The following SI variants were observed in gnomAD, a reference collection of about 807,000 sequenced individuals.
SI encodes the protein sucrase-isomaltase.
Under a neutral mutation model 253.3 loss-of-function variants are expected in SI, and 235 were observed. The observed-to-expected ratio is 0.93, with a 90% CI of 0.83 to 1.03. The LOEUF (loss-of-function observed/expected upper bound fraction) is 1.03, where lower values mean the gene tolerates loss of function less well. Among genes scored for constraint, SI ranks in the 50% least tolerant of loss-of-function variants. SI has a pLI of 0.00. For synonymous variants in SI, 819 were observed against 712.0 expected (o/e 1.15, Z -2.39); for missense variants, 2,442 against 2,211.1 (o/e 1.10, Z -2.09).
In SI at chr3:165,030,877, C is replaced by CAAAAAAAAAAAAAAAAAAAAAAAAAAA. The variant is rs11452619; in HGVS notation, c.2737-11_2737-10insTTTTTTTTTTTTTTTTTTTTTTTTTTT. 1.6e-6 allele frequency: 2 copies of CAAAAAAAAAAAAAAAAAAAAAAAAAAA among 1,219,774 alleles called. No individual in the cohort carries two copies. The highest frequency in any genetic ancestry group is 2.1e-6 in the Non-Finnish European group (2 of 955,480). The allele number at this position is 1,219,774 out of a possible 1,614,324, so 75.6% of individuals were successfully genotyped here. On this transcript the variant is annotated splice_polypyrimidine_tract_variant and intron_variant, in intron 24 of 47. Coordinates refer to ENST00000264382, the MANE Select transcript of SI (RefSeq NM_001041.4). The stretch of plus-strand genomic sequence containing the variant: ...CTGCAATTAGGAGAACCTTTGAAGA[C>CAAAAAAAAAAAAAAAAAAAAAAAAAAA]AAAAAAAAAAAAAGAAAAAAAGAAA...
chr3:164,979,076 T>C lies in SI; in HGVS notation c.*286A>G, dbSNP rs1376754835. On this transcript the variant is annotated 3_prime_UTR_variant, in exon 48 of 48. Coordinates refer to ENST00000264382, the MANE Select transcript of SI (RefSeq NM_001041.4). ...AATCACGTTTAAATTATATCTTAGC[T>C]ATTTACATACATGTTTAGTAACTAG... is the stretch of plus-strand genomic sequence containing the variant. The C allele has an allele frequency of 3.9e-6, 1 of 254,116 alleles. No individual in the cohort carries two copies. The highest frequency in any genetic ancestry group is 2.2e-5 in the African/African-American group (1 of 45,284). 15.7% of individuals were successfully genotyped at this position (254,116 alleles called of 1,614,324 possible).
intron 35 of SI, 30 bp downstream of exon 35, chr3:165,009,249 T>G (rs946796111): frequency 1.4e-6 from 2 of 1,425,864 alleles, no homozygotes; most frequent in South Asian, 1.1e-5. Flanking sequence ...ATAAATAACT[T>G]AAAACATAGA....
intron 25 of SI, among the ~76,000 whole-genome samples, chr3:165,030,453 T>C (rs549709106): frequency 2.0e-5 from 3 of 150,958 alleles, no homozygotes; most frequent in Non-Finnish European, 4.5e-5. Flanking sequence ...ATTATTTTTT[T>C]AAGTAAAGTT....
chr3:164,983,170 A>T, intron 45 of SI, 119 bp from the exon 46 acceptor site: 1 of 987,258 alleles, frequency 1.0e-6, no homozygotes, highest in Non-Finnish European at 1.5e-6. Context: ...ATCAAGATGT[A>T]CCTATTTTTT....
rs201402105 is a variant in SI at position 164,996,391 on chromosome 3, A to AGTTCC, written c.4692+139_4692+143dup. 914 of 620,042 alleles carry AGTTCC rather than the reference A, an allele frequency of 1.5e-3. 5 individuals are homozygous for AGTTCC. In the African/African-American group the frequency reaches 0.015, roughly 10 times the overall value. 38.4% of individuals were successfully genotyped at this position (620,042 alleles called of 1,614,324 possible). The stretch of plus-strand genomic sequence containing the variant: ...AATGTCTCCCCAGATACTCAAAAAA[A>AGTTCC]GTTCCTCCAGACAATTTCCTCACTA... On this transcript the variant is annotated intron_variant, in intron 40 of 47. Transcript: ENST00000264382.
Position 165,017,966 on chromosome 3 carries a change from T to A in SI, c.3520+4A>T, listed in dbSNP as rs1298849374. 5 of 1,602,368 alleles carry A rather than the reference T, an allele frequency of 3.1e-6. No homozygotes were observed. In the Admixed American group the frequency reaches 8.4e-5, roughly 27 times the overall value. On this transcript the variant is annotated splice_donor_region_variant and intron_variant, in intron 29 of 47. Transcript: ENST00000264382. ...AAGAGACATTCAACAAATGATTGTT[T>A]TACCCATTGCATTGCTGTTGAGTAA...
chr3:165,060,731 T>A (rs1713942527), intron 9 of SI, among the ~76,000 whole-genome samples: 1 of 150,206 alleles, frequency 6.7e-6, no homozygotes, highest in South Asian at 2.1e-4. Flanking sequence ...AACTGGTGTT[T>A]TTTTTTTCAC....
intron 40 of SI, among the ~76,000 whole-genome samples, chr3:164,994,746 G>GA (rs1171494377): frequency 1.3e-5 from 2 of 151,652 alleles, no homozygotes; most frequent in Non-Finnish European, 3.0e-5. Flanking sequence ...TAAATGAAAT[G>GA]ATAGGCTATC....
intron 22 of SI, among the ~76,000 whole-genome samples, chr3:165,035,067 G>A (rs950990493): frequency 1.7e-4 from 26 of 151,928 alleles, no homozygotes; most frequent in African/African-American, 6.3e-4. Context: ...TAGCAATGAA[G>A]TTACCATCAA....
rs572854833 is a variant in SI, at chr3:165,036,888, A to T, written c.2427-411T>A. 7.0e-4 allele frequency among the ~76,000 whole-genome samples: 107 copies of T among 151,924 alleles called. 1 individual carries two copies. Among genetic ancestry groups the T allele is most frequent in the African/African-American group, 2.5e-3 (102 of 41,478 alleles). On this transcript the variant is annotated intron_variant, in intron 21 of 47. Coordinates refer to ENST00000264382, the MANE Select transcript of SI (RefSeq NM_001041.4). ...AGAAAAAAAAATATGATTAAAATTT[A>T]AAAAAAGTTTAGTGGAATCTGTAAG... is the stretch of plus-strand genomic sequence containing the variant.
chr3:165,089,380 G>C, the SI span, among the ~76,000 whole-genome samples: 1 of 152,104 alleles, frequency 6.6e-6, no homozygotes, highest in Non-Finnish European at 1.5e-5. Context: ...GTTATGACCA[G>C]AATGACTTTA....
At chr3:165,039,528 T>C (rs1712708395) in intron 19 of SI, among the ~76,000 whole-genome samples, 1 of 151,934 alleles carries the variant, frequency 6.6e-6, no homozygotes, top group African/African-American at 2.4e-5. Flanking sequence ...GATCAGCGAG[T>C]TTTCCAGTTC....
rs1717070033 is a variant in SI at position 164,979,398 on chromosome 3, A to G, written c.5448T>C (p.Val1816=). 1 of 1,588,744 alleles carries G rather than the reference A, an allele frequency of 6.3e-7. No homozygotes were observed. Among genetic ancestry groups the G allele is most frequent in the African/African-American group, 1.3e-5 (1 of 74,294 alleles). Residue 1816 remains valine (V), a synonymous_variant, in exon 48 of 48, where the codon GTT becomes GTC. Coordinates refer to ENST00000264382, the MANE Select transcript of SI (RefSeq NM_001041.4). ...ILRIDLTTHN[V]TLEEPIEINW... ...TGATTTCTATTGGTTCTTCTAGAGT[A>G]ACATTGTGTGTGGTCAGATCAATAC... is the stretch of plus-strand genomic sequence containing the variant.
At chr3:165,047,127 C>T (rs1342470488) in intron 15 of SI, 115 bp from the exon 16 acceptor site, 7 of 752,832 alleles carry the variant, frequency 9.3e-6, no homozygotes, top group Admixed American at 8.5e-5. Flanking sequence ...TGTGTCCCCA[C>T]CCAAATCTCA....
At chr3:164,985,123 C>T (rs1471612994) in intron 45 of SI, among the ~76,000 whole-genome samples, 1 of 152,052 alleles carries the variant, frequency 6.6e-6, no homozygotes, top group Non-Finnish European at 1.5e-5. Flanking sequence ...TACAAAAAGT[C>T]TGCCATGAAA....
Position 165,068,870 on chromosome 3 carries a change from T to G in SI, c.374-39A>C, listed in dbSNP as rs764385088. 4.6e-6 allele frequency: 6 copies of G among 1,298,104 alleles called. No homozygotes were observed. In the East Asian group the frequency reaches 9.2e-5, roughly 20 times the overall value. 80.4% of individuals were successfully genotyped at this position (1,298,104 alleles called of 1,614,324 possible). On this transcript the variant is annotated intron_variant, in intron 4 of 47. Coordinates refer to ENST00000264382, the MANE Select transcript of SI (RefSeq NM_001041.4). ...AAAAAGCTGCCATGAGTGACTTGAT[T>G]TATAATGTTAACAATTATTAAATAT...
the SI span, among the ~76,000 whole-genome samples, chr3:165,088,616 G>C: frequency 6.6e-6 from 1 of 151,980 alleles, no homozygotes; most frequent in Non-Finnish European, 1.5e-5. Context: ...ACTCCAGCCT[G>C]GGCGACAGAG....
At chr3:165,055,431 T>C in intron 12 of SI, 124 bp from the exon 13 acceptor site, 1 of 591,966 alleles carries the variant, frequency 1.7e-6, no homozygotes, top group Admixed American at 2.9e-5. Flanking sequence ...TAGGTATATG[T>C]GACTCATATA....
At chr3:165,043,024 T>C (rs1712927199) in intron 17 of SI, 35 bp downstream of exon 17, 6 of 1,281,742 alleles carry the variant, frequency 4.7e-6, no homozygotes, top group Non-Finnish European at 5.7e-6. Flanking sequence ...ATGGTTGTTT[T>C]TTATTTCGCA....
Sources: gnomAD v4.1 joint callset for allele counts (sites outside exome capture counted in the v4.1 genomes callset) on GRCh38, gnomAD v4.1.1 for gene constraint, MANE v1.5 for transcripts, NCBI Gene and HGNC (gene_info 2026-07-23, HGNC 2026-07-21) for gene names.